Variants in ZFPM1 observed in about 807,000 individuals in gnomAD.
The protein encoded by ZFPM1 is zinc finger protein ZFPM1.
Under a neutral mutation model 46.3 loss-of-function variants are expected in ZFPM1, and 28 were observed. The observed-to-expected ratio is 0.60, with a 90% CI of 0.45 to 0.83. ZFPM1 has a LOEUF of 0.83. ZFPM1 is among the 40% of genes least tolerant of loss of function. The pLI is 0.00. For missense variants in ZFPM1, 1,878 were observed against 1,432.4 expected, an observed-to-expected ratio of 1.31 and a Z score of -5.02; for synonymous variants, 957 against 675.9, an observed-to-expected ratio of 1.42 and a Z score of -6.45.
chr16:88,474,832 C>A (rs139375151), intron 1 of ZFPM1, among the ~76,000 whole-genome samples: 49 of 152,370 alleles, frequency 3.2e-4, no homozygotes, highest in Non-Finnish European at 1.3e-4. Flanking sequence ...GCATCTGGGG[C>A]CTCTCTGCCT....
At chr16:88,511,367 G>A (rs922780012) in intron 3 of ZFPM1, among the ~76,000 whole-genome samples, 13 of 151,950 alleles carry the variant, frequency 8.6e-5, no homozygotes, top group Non-Finnish European at 4.4e-5. Context: ...CAGCCTCGCC[G>A]GGCCCCAGGC....
chr16:88,500,163 C>T (rs566349511), intron 3 of ZFPM1, among the ~76,000 whole-genome samples: 1 of 152,184 alleles, frequency 6.6e-6, no homozygotes, highest in Non-Finnish European at 1.5e-5. Context: ...CAGGCCCCGC[C>T]GTTGCCCTAC....
intron 3 of ZFPM1, among the ~76,000 whole-genome samples, chr16:88,502,108 T>C (rs970522828): frequency 2.4e-4 from 33 of 140,364 alleles, no homozygotes; most frequent in East Asian, 2.3e-3. Context: ...ATTTATTTAT[T>C]TATCTCTCCT....
chr16:88,499,323 C>T (rs1440636249), intron 3 of ZFPM1, among the ~76,000 whole-genome samples: 3 of 152,256 alleles, frequency 2.0e-5, no homozygotes, highest in Non-Finnish European at 4.4e-5. Context: ...AGCTATGTGC[C>T]AGCCCTGTGA....
intron 1 of ZFPM1, among the ~76,000 whole-genome samples, chr16:88,466,501 CA>C (rs1231198473): frequency 2.0e-5 from 3 of 152,168 alleles, no homozygotes; most frequent in African/African-American, 7.2e-5. Context: ...ACGAGCCTCC[CA>C]GGGGGCTCAC....
intron 4 of ZFPM1, among the ~76,000 whole-genome samples, chr16:88,520,942 TAGGTGGGTGGGTGGATGATGGAC>T (rs1911828234): frequency 2.3e-5 from 2 of 88,326 alleles, no homozygotes; most frequent in Middle Eastern, 0.01. Flanking sequence ...GGTGGATGAT[TAGGTGGGTGGGTGGATGATGGAC>T]AGGTGGGTGG....
At chr16:88,526,686 T>C in intron 4 of ZFPM1, 128 bp from the exon 5 acceptor site, 1 of 1,007,930 alleles carries the variant, frequency 9.9e-7, no homozygotes, top group Non-Finnish European at 1.5e-6. Flanking sequence ...CCAATGACTG[T>C]CCACAGCTTG....
rs761246860 is a variant in ZFPM1 at position 88,534,316 on chromosome 16, G to T, written c.2358G>T (p.Ser786=). The T allele has an allele frequency of 3.8e-6, 5 of 1,322,118 alleles. No individual in the cohort carries two copies. Among genetic ancestry groups the T allele is most frequent in the South Asian group, 1.8e-5 (1 of 56,756 alleles). The allele number at this position is 1,322,118 out of a possible 1,614,324, so 81.9% of individuals were successfully genotyped here. The change falls in exon 10 of 10, where the codon TCG becomes TCT. Residue 786 remains serine (S), a synonymous_variant. Transcript: ENST00000319555. The part of the protein sequence containing the change: ...GSGPGLAPAR[S]PGPAADGPID... Reference sequence around the variant, plus strand: ...GCCCCGGCCTCGCCCCTGCGCGCTCGCCCGGCCCCGCGGCCGACGGCCCCA... The same window carrying T: ...GCCCCGGCCTCGCCCCTGCGCGCTCTCCCGGCCCCGCGGCCGACGGCCCCA...
chr16:88,534,814 C>G lies in ZFPM1; in HGVS notation c.2856C>G (p.Tyr952Ter). 2.0e-6 allele frequency: 3 copies of G among 1,481,136 alleles called. No homozygotes were observed. Among genetic ancestry groups the G allele is most frequent in the Non-Finnish European group, 2.7e-6 (3 of 1,114,548 alleles). The allele number at this position is 1,481,136 out of a possible 1,614,324, so 91.7% of individuals were successfully genotyped here. Residue 952 changes from tyrosine to a stop codon, truncating the protein, a stop_gained, in exon 10 of 10, where the codon TAC (tyrosine) becomes TAG (stop). Transcript: ENST00000319555. LOFTEE classifies it low-confidence loss of function (END_TRUNC). ...AVPPPPAPPS[Y>*]SDKGVQTPSK... ...CGCCCCCGCCGGCGCCCCCCTCCTA[C>G]TCGGACAAGGGCGTCCAGACTCCCA...
rs757613702 is a variant in ZFPM1, at chr16:88,533,750, C to T, written c.1792C>T (p.Leu598Phe). The change falls in exon 10 of 10, where the codon CTC (leucine) becomes TTC (phenylalanine). Residue 598 changes from leucine to phenylalanine, a missense_variant. Coordinates refer to ENST00000319555, the MANE Select transcript of ZFPM1 (RefSeq NM_153813.3). ...CAACAACTACTACGTGCACAAGCGC[C>T]TCTACTGTTCAGGCCGCCGTGCGCC... is the stretch of plus-strand genomic sequence containing the variant. ...NVNNYYVHKR[L>F]YCSGRRAPED... 201 of 1,483,460 alleles carry T rather than the reference C, an allele frequency of 1.4e-4. 1 individual carries two copies. Among genetic ancestry groups the T allele is most frequent in the Non-Finnish European group, 1.7e-4 (190 of 1,110,758 alleles). The allele number at this position is 1,483,460 out of a possible 1,614,324, so 91.9% of individuals were successfully genotyped here.
rs1418435903 is a variant in ZFPM1, at chr16:88,533,212, G to C, written c.1254G>C (p.Leu418=). The C allele has an allele frequency of 6.4e-7, 1 of 1,560,674 alleles. No homozygotes were observed. Among genetic ancestry groups the C allele is most frequent in the African/African-American group, 1.4e-5 (1 of 73,894 alleles). ...ALQGPLASAD[L]GLAPTPSPGL... ...AAGGCCCCCTGGCCTCCGCGGACCT[G>C]GGCCTGGCGCCCACCCCATCGCCAG... Residue 418 remains leucine (L), a synonymous_variant, in exon 10 of 10, where the codon CTG becomes CTC. Transcript: ENST00000319555.
In ZFPM1 at chr16:88,532,624, C is replaced by G; in HGVS notation, c.957C>G (p.Pro319=). The G allele has an allele frequency of 6.4e-7, 1 of 1,570,846 alleles. No homozygotes were observed. Among genetic ancestry groups the G allele is most frequent in the Non-Finnish European group, 8.6e-7 (1 of 1,157,746 alleles). ...IHMRSHSGER[P]FVCLICLSAF... ...CGCCCTGTGTTCCAGGAGAGCGGCCCTTCGTGTGCCTGATCTGCCTGTCGG... is the reference window on the plus strand; with the variant it reads ...CGCCCTGTGTTCCAGGAGAGCGGCCGTTCGTGTGCCTGATCTGCCTGTCGG... Residue 319 remains proline (P), a synonymous_variant, in exon 8 of 10, where the codon CCC becomes CCG. Coordinates refer to ENST00000319555, the MANE Select transcript of ZFPM1 (RefSeq NM_153813.3).
chr16:88,503,387 C>A (rs1910481893), intron 3 of ZFPM1, among the ~76,000 whole-genome samples: 1 of 127,412 alleles, frequency 7.8e-6, no homozygotes, highest in African/African-American at 3.4e-5. Flanking sequence ...GTCTGGGGGG[C>A]CACGGTTCCT....
intron 1 of ZFPM1, among the ~76,000 whole-genome samples, chr16:88,475,633 G>A (rs989832304): frequency 1.2e-4 from 18 of 152,308 alleles, no homozygotes; most frequent in Admixed American, 7.8e-4. Context: ...CCGGGTACAG[G>A]GCAGGGCTCG....
rs114582014 is a variant in ZFPM1, at chr16:88,461,208, C to A, written c.40+7530C>A. ...CGGGGCGGGAGGCCTGGTGAGGACCCAGGGGCGGGAGGCCTGGTGAGGACC... is the reference window on the plus strand; with the variant it reads ...CGGGGCGGGAGGCCTGGTGAGGACCAAGGGGCGGGAGGCCTGGTGAGGACC... On this transcript the variant is annotated intron_variant, in intron 1 of 9. Transcript: ENST00000319555. Among the ~76,000 whole-genome samples the A allele has an allele frequency of 5.2e-3, 118 of 22,634 alleles. 5 individuals are homozygous for A. The highest frequency in any genetic ancestry group is 0.026 in the African/African-American group (115 of 4,484). The allele number at this position is 22,634 out of a possible 152,430, so 14.8% of individuals were successfully genotyped here. A position where few individuals can be genotyped will look rare whatever the true frequency, so the allele number is the denominator to read the frequency against.
intron 4 of ZFPM1, among the ~76,000 whole-genome samples, chr16:88,523,883 G>A (rs779529167): frequency 1.3e-5 from 2 of 152,152 alleles, no homozygotes; most frequent in South Asian, 4.1e-4. Flanking sequence ...GCGCCCCGTC[G>A]CGCCCCACAT....
intron 3 of ZFPM1, among the ~76,000 whole-genome samples, chr16:88,490,040 G>A (rs1909470758): frequency 6.6e-6 from 1 of 151,910 alleles, no homozygotes; most frequent in South Asian, 2.1e-4. Flanking sequence ...ATGTACAGAT[G>A]CAGCAAGTAT....
chr16:88,470,464 T>C (rs1400194457), intron 1 of ZFPM1, among the ~76,000 whole-genome samples: 2 of 152,014 alleles, frequency 1.3e-5, no homozygotes, highest in Non-Finnish European at 2.9e-5. Context: ...GGGGAGGCTG[T>C]TGTTGGGGGA....
intron 3 of ZFPM1, among the ~76,000 whole-genome samples, chr16:88,507,775 T>C (rs1046836091): frequency 1.3e-5 from 2 of 152,162 alleles, no homozygotes; most frequent in Non-Finnish European, 2.9e-5. Context: ...ACCTCACCCA[T>C]GCACCCAGGC....
Sources: gnomAD v4.1 joint callset for allele counts (sites outside exome capture counted in the v4.1 genomes callset) on GRCh38, gnomAD v4.1.1 for gene constraint, MANE v1.5 for transcripts, NCBI Gene and HGNC (gene_info 2026-07-23, HGNC 2026-07-21) for gene names.